Variants in POLR2B observed in about 807,000 individuals in gnomAD.
POLR2B encodes the protein DNA-directed RNA polymerase II subunit RPB2.
POLR2B carries 57 observed loss-of-function variants against 144.6 expected under a neutral mutation model. That is an observed-to-expected ratio of 0.39 (90% CI 0.32 to 0.49). The LOEUF is 0.49. Among genes scored for constraint, POLR2B ranks in the 20% least tolerant of loss-of-function variants. The pLI, the probability that POLR2B is intolerant of heterozygous loss-of-function variation, is 0.83. For missense variants in POLR2B, 595 were observed against 1,467.4 expected (o/e 0.41, Z 9.71); for synonymous variants, 442 against 469.8 (o/e 0.94, Z 0.77).
At chr4:57,001,590 A>T (rs929953894) in intron 7 of POLR2B, among the ~76,000 whole-genome samples, 1 of 152,218 alleles carries the variant, frequency 6.6e-6, no homozygotes, top group Non-Finnish European at 1.5e-5. Context: ...CTTTTTTGGC[A>T]GAAAAAATAC....
chr4:57,006,684 G>C (rs1268799610), intron 9 of POLR2B, 132 bp from the exon 10 acceptor site: 2 of 665,026 alleles, frequency 3.0e-6, no homozygotes, highest in East Asian at 5.2e-5. Flanking sequence ...AGACATAAAA[G>C]AGCAACAACT....
chr4:57,006,264 T>C (rs749507365), intron 9 of POLR2B, among the ~76,000 whole-genome samples: 1 of 152,212 alleles, frequency 6.6e-6, no homozygotes, highest in East Asian at 1.9e-4. Context: ...ATTAGTGTTT[T>C]TCAACCTTTT....
intron 3 of POLR2B, among the ~76,000 whole-genome samples, chr4:56,993,572 A>G (rs976948514): frequency 3.3e-5 from 5 of 152,218 alleles, no homozygotes; most frequent in African/African-American, 9.6e-5. Context: ...AGAGAAAAGT[A>G]CACTATCCAT....
chr4:56,979,179 A>G (rs1190349031), intron 1 of POLR2B, among the ~76,000 whole-genome samples, 175 bp downstream of exon 1: 2 of 152,192 alleles, frequency 1.3e-5, no homozygotes, highest in Non-Finnish European at 2.9e-5. Flanking sequence ...CGGAGGGTGC[A>G]GGGAACATAG....
chr4:57,017,294 A>G lies in POLR2B; in HGVS notation c.2154+53A>G. 1 of 1,317,252 alleles carries G rather than the reference A, an allele frequency of 7.6e-7. No homozygotes were observed. Among genetic ancestry groups the G allele is most frequent in the South Asian group, 1.3e-5 (1 of 79,162 alleles). 81.6% of individuals were successfully genotyped at this position (1,317,252 alleles called of 1,614,324 possible). ...TGAGGAATTGGGAGAAGTAATAAAA[A>G]TTGAAAGTAACTCTGTAGTCTTATC... On this transcript the variant is annotated intron_variant, in intron 15 of 24. Coordinates refer to ENST00000314595, the MANE Select transcript of POLR2B (RefSeq NM_000938.3). The surrounding 1 kb of genome is among the most constrained non-coding windows in gnomAD (Gnocchi z 4.8).
chr4:57,022,513 C>T (rs1578591329), intron 18 of POLR2B, among the ~76,000 whole-genome samples: 1 of 152,172 alleles, frequency 6.6e-6, no homozygotes, highest in African/African-American at 2.4e-5. Flanking sequence ...TTTAGGAAAT[C>T]AGAGAGGTCA....
At chr4:57,001,578 C>T (rs2109675238) in intron 7 of POLR2B, among the ~76,000 whole-genome samples, 1 of 152,298 alleles carries the variant, frequency 6.6e-6, no homozygotes, top group East Asian at 1.9e-4. Flanking sequence ...TCAATTTATG[C>T]ACTTTTTTGG....
chr4:57,010,598 CAG>C (rs1444345651), intron 11 of POLR2B, 94 bp downstream of exon 11: 1 of 1,390,138 alleles, frequency 7.2e-7, no homozygotes, highest in South Asian at 1.4e-5. Flanking sequence ...AAAAATTATG[CAG>C]AGTGGTTTAG....
At chr4:56,992,459 T>C (rs1278411032) in intron 3 of POLR2B, among the ~76,000 whole-genome samples, 11 of 46,962 alleles carry the variant, frequency 2.3e-4, no homozygotes, top group Non-Finnish European at 3.5e-4. Flanking sequence ...GTCGAGACTC[T>C]GTCTCAAAAA....
intron 2 of POLR2B, chr4:56,986,866 A>C (rs1722351480): frequency 6.5e-6 from 1 of 153,320 alleles, no homozygotes; most frequent in Admixed American, 6.5e-5. Context: ...GATCTTATTT[A>C]ATCTATAGAC....
chr4:56,981,054 C>T (rs75032262), intron 1 of POLR2B, among the ~76,000 whole-genome samples: 20,906 of 152,060 alleles, frequency 0.14, 1,814 homozygotes, highest in East Asian at 0.4. Flanking sequence ...TCACCTGCCT[C>T]GGCCTCCGAA....
At chr4:57,012,677 G>C (rs1015556266) in intron 13 of POLR2B, among the ~76,000 whole-genome samples, 9 of 151,940 alleles carry the variant, frequency 5.9e-5, no homozygotes, top group Admixed American at 5.2e-4. Flanking sequence ...TTGTTGTTGG[G>C]GGGCAGGGAC....
intron 9 of POLR2B, among the ~76,000 whole-genome samples, chr4:57,006,351 C>T (rs1356064704): frequency 1.3e-5 from 2 of 152,220 alleles, no homozygotes; most frequent in African/African-American, 4.8e-5. Context: ...GTTGCCCAGG[C>T]TGGAGTGCAA....
chr4:57,024,405 G>C (rs1011987726), intron 21 of POLR2B, among the ~76,000 whole-genome samples: 1 of 152,162 alleles, frequency 6.6e-6, no homozygotes, highest in African/African-American at 2.4e-5. Flanking sequence ...AGAGTTCAAT[G>C]TGAACTTAAT....
At chr4:57,030,156 TTTA>T in intron 23 of POLR2B, 45 bp from the exon 24 acceptor site, 1 of 1,445,556 alleles carries the variant, frequency 6.9e-7, no homozygotes, top group Non-Finnish European at 9.7e-7. Flanking sequence ...CAAGGCGGTG[TTTA>T]TAATAAAAAA....
At chr4:56,987,740 G>A (rs1294436344) in intron 2 of POLR2B, among the ~76,000 whole-genome samples, 1 of 152,048 alleles carries the variant, frequency 6.6e-6, no homozygotes, top group Admixed American at 6.6e-5. Context: ...AAATTAGATG[G>A]GTGTGGTGGC....
chr4:57,008,645 A>G (rs1214890575), intron 10 of POLR2B, among the ~76,000 whole-genome samples: 1 of 152,246 alleles, frequency 6.6e-6, no homozygotes. Context: ...GGTAACTGTT[A>G]TAATAAGAGA....
At position 56,986,430 on chromosome 4, in the gene POLR2B, A is replaced by T; in HGVS notation, c.92+4A>T. 1 of 1,598,600 alleles carries T rather than the reference A, an allele frequency of 6.3e-7. No homozygotes were observed. The highest frequency in any genetic ancestry group is 8.6e-7 in the Non-Finnish European group (1 of 1,166,218). ...AAGCATGCTGGATTGTAATCAGGTAACTTTGGACCAAACTGAATTAGCCTG... is the reference window on the plus strand; with the variant it reads ...AAGCATGCTGGATTGTAATCAGGTATCTTTGGACCAAACTGAATTAGCCTG... On this transcript the variant is annotated splice_donor_region_variant and intron_variant, in intron 2 of 24. Coordinates refer to ENST00000314595, the MANE Select transcript of POLR2B (RefSeq NM_000938.3).
In POLR2B at chr4:57,023,321, T is replaced by A; in HGVS notation, c.2516-9T>A. On this transcript the variant is annotated splice_polypyrimidine_tract_variant and intron_variant, in intron 18 of 24. Transcript: ENST00000314595. This position sits in a 1 kb window ranked among gnomAD's most constrained non-coding sequence, Gnocchi z 4.3. The stretch of plus-strand genomic sequence containing the variant: ...GATTATGTGACATTCCGTGTCTATT[T>A]CCTCACAGGCATGAGGCATGCCATT... 6.2e-7 allele frequency: 1 copy of A among 1,613,412 alleles called. No homozygotes were observed. The highest frequency in any genetic ancestry group is 8.5e-7 in the Non-Finnish European group (1 of 1,179,450).
Sources: gnomAD v4.1 joint callset for allele counts (sites outside exome capture counted in the v4.1 genomes callset) on GRCh38, gnomAD v4.1.1 for gene constraint, Gnocchi (gnomAD v3.1) non-coding constraint, MANE v1.5 for transcripts, NCBI Gene and HGNC (gene_info 2026-07-23, HGNC 2026-07-21) for gene names.